The following TMEM233 variants were observed in gnomAD, a reference collection of about 807,000 sequenced individuals.
TMEM233 encodes the protein dispanin subfamily B member 2.
A neutral mutation model predicts 11.2 loss-of-function variants in TMEM233; 6 were observed. That is an observed-to-expected ratio of 0.54 (90% confidence interval 0.29 to 1.06). The LOEUF is 1.06. TMEM233 is among the 50% of genes least tolerant of loss of function. The pLI is 0.08. For missense variants in TMEM233, 127 were observed against 144.7 expected, an observed-to-expected ratio of 0.88 and a Z score of 0.63; for synonymous variants, 59 against 55.8, an observed-to-expected ratio of 1.06 and a Z score of -0.26.
chr12:119,639,206 C>T (rs772679575), intron 2 of TMEM233, among the ~76,000 whole-genome samples: 1 of 152,158 alleles, frequency 6.6e-6, no homozygotes, highest in Non-Finnish European at 1.5e-5. Flanking sequence ...TACTTCTCTT[C>T]CTTACTACTC....
chr12:119,606,056 A>G (rs1402080566), intron 1 of TMEM233, among the ~76,000 whole-genome samples: 1 of 152,214 alleles, frequency 6.6e-6, no homozygotes, highest in East Asian at 1.9e-4. Context: ...TAGAAACAGG[A>G]GCAAGCAAAA....
At chr12:119,617,904 G>A (rs1249809311) in intron 1 of TMEM233, among the ~76,000 whole-genome samples, 2 of 152,250 alleles carry the variant, frequency 1.3e-5, no homozygotes, top group East Asian at 3.8e-4. Context: ...GAAATCAAAT[G>A]TTAATCACCA....
At chr12:119,643,535 G>A (rs893760994), downstream of TMEM233, among the ~76,000 whole-genome samples, 10 of 152,198 alleles carry the variant, frequency 6.6e-5, no homozygotes, top group South Asian at 2.1e-4. Flanking sequence ...TCGGGAGGCC[G>A]AGGCAGGTGG....
chr12:119,639,608 C>T lies in TMEM233; in HGVS notation c.324-1091C>T, dbSNP rs145978029. Among the ~76,000 whole-genome samples the T allele has an allele frequency of 5.8e-3, 879 of 151,198 alleles. 6 individuals are homozygous for T. The highest frequency in any genetic ancestry group is 0.02 in the African/African-American group (835 of 41,124). On this transcript the variant is annotated intron_variant, in intron 2 of 2. Transcript: ENST00000426426. ...CTGCACTCCAGCCTGGGCAACAGAGCGAGACTCCATCTCAAAAAAAAAAGA... is the reference window on the plus strand; with the variant it reads ...CTGCACTCCAGCCTGGGCAACAGAGTGAGACTCCATCTCAAAAAAAAAAGA...
At chr12:119,600,367 TA>T (rs1460769383) in intron 1 of TMEM233, among the ~76,000 whole-genome samples, 1 of 123,966 alleles carries the variant, frequency 8.1e-6, no homozygotes, top group Non-Finnish European at 1.7e-5. Flanking sequence ...TCTTGGGAAT[TA>T]AAAAATATGT....
At chr12:119,623,099 T>G (rs530101264) in intron 1 of TMEM233, among the ~76,000 whole-genome samples, 2,519 of 152,292 alleles carry the variant, frequency 0.017, 63 homozygotes, top group African/African-American at 0.056. Flanking sequence ...GACTCTCATT[T>G]CACCTGTGCT....
the TMEM233 span, among the ~76,000 whole-genome samples, chr12:119,651,651 T>C: frequency 1.1e-5 from 1 of 94,886 alleles, no homozygotes; most frequent in Admixed American, 1.2e-4. Flanking sequence ...ACCCCGTCTC[T>C]ACTAAATATA....
intron 2 of TMEM233, among the ~76,000 whole-genome samples, chr12:119,633,935 TG>T (rs34288495): frequency 0.38 from 58,013 of 151,980 alleles, 12,647 homozygotes; most frequent in East Asian, 0.59. Flanking sequence ...AAATCAGAAG[TG>T]GGGTTCAAGA....
chr12:119,623,898 A>G (rs2136750504), intron 1 of TMEM233, among the ~76,000 whole-genome samples: 1 of 152,318 alleles, frequency 6.6e-6, no homozygotes, highest in South Asian at 2.1e-4. Flanking sequence ...CTTGCAGATG[A>G]TAAGACATGG....
At chr12:119,601,568 G>C (rs1355798848) in intron 1 of TMEM233, among the ~76,000 whole-genome samples, 2 of 150,676 alleles carry the variant, frequency 1.3e-5, no homozygotes, top group African/African-American at 2.4e-5. Context: ...TAAGGCAGGA[G>C]AATGGCGTGA....
At chr12:119,620,431 G>A (rs994745282) in intron 1 of TMEM233, among the ~76,000 whole-genome samples, 2 of 152,152 alleles carry the variant, frequency 1.3e-5, no homozygotes, top group African/African-American at 4.8e-5. Flanking sequence ...AAAAGCAGAG[G>A]CTCAAACGTA....
chr12:119,644,427 A>T (rs1027248285), downstream of TMEM233, among the ~76,000 whole-genome samples: 1 of 151,846 alleles, frequency 6.6e-6, no homozygotes, highest in Non-Finnish European at 1.5e-5. Context: ...GCTTCTTACT[A>T]TACCTTCCAT....
intron 1 of TMEM233, among the ~76,000 whole-genome samples, chr12:119,610,278 C>A (rs1182663401): frequency 2.0e-5 from 3 of 152,166 alleles, no homozygotes. Context: ...AAGTGACTTA[C>A]TTGCTTTTGA....
chr12:119,653,102 A>T, the TMEM233 span, among the ~76,000 whole-genome samples: 1 of 152,192 alleles, frequency 6.6e-6, no homozygotes, highest in African/African-American at 2.4e-5. Context: ...ATAAAATTTT[A>T]AAATCACTGG....
At chr12:119,636,685 C>G (rs985856933) in intron 2 of TMEM233, among the ~76,000 whole-genome samples, 1 of 152,124 alleles carries the variant, frequency 6.6e-6, no homozygotes, top group African/African-American at 2.4e-5. Context: ...TTCAGCGGAA[C>G]GTCCTTAGCA....
At chr12:119,628,996 C>A (rs574620050) in intron 1 of TMEM233, among the ~76,000 whole-genome samples, 1 of 152,368 alleles carries the variant, frequency 6.6e-6, no homozygotes, top group Admixed American at 6.5e-5. Flanking sequence ...GCCCATGGGC[C>A]ATGATTTGCA....
intron 2 of TMEM233, among the ~76,000 whole-genome samples, chr12:119,630,439 C>A (rs1373247969): frequency 6.6e-6 from 1 of 152,194 alleles, no homozygotes; most frequent in Admixed American, 6.5e-5. Context: ...GATAGTAAAT[C>A]TTTTAAGCCT....
At chr12:119,612,910 G>A (rs1274977895) in intron 1 of TMEM233, among the ~76,000 whole-genome samples, 1 of 151,818 alleles carries the variant, frequency 6.6e-6, no homozygotes, top group Non-Finnish European at 1.5e-5. Flanking sequence ...ATGAGACCCT[G>A]TCAAAAAAAT....
At chr12:119,654,238 A>G in the TMEM233 span, among the ~76,000 whole-genome samples, 1 of 152,230 alleles carries the variant, frequency 6.6e-6, no homozygotes, top group African/African-American at 2.4e-5. Context: ...GTCAAGCTCT[A>G]GTGAAAATAT....
Sources: allele counts gnomAD v4.1 joint callset (sites outside exome capture counted in the v4.1 genomes callset), GRCh38; gene constraint gnomAD v4.1.1; transcripts MANE v1.5; gene names NCBI Gene and HGNC (gene_info 2026-07-23, HGNC 2026-07-21).